OTUD3: variants seen among roughly 807,000 people sequenced by gnomAD.
OTUD3 encodes the protein OTU domain-containing protein 3.
OTUD3 carries 24 observed loss-of-function variants against 46.2 expected under a neutral mutation model. The observed-to-expected ratio is 0.52, with a 90% CI of 0.38 to 0.73. The LOEUF (loss-of-function observed/expected upper bound fraction) is 0.73. OTUD3 is among the 30% of genes least tolerant of loss of function. The pLI is 0.00. For synonymous variants in OTUD3, 189 were observed against 195.4 expected (o/e 0.97, Z 0.27); for missense variants, 455 against 523.3 (o/e 0.87, Z 1.27).
intron 4 of OTUD3, among the ~76,000 whole-genome samples, chr1:19,902,622 A>G (rs115226120): frequency 0.015 from 2,285 of 152,126 alleles, 61 homozygotes; most frequent in African/African-American, 0.052. Context: ...TCTTTTGCCT[A>G]TTTTTTAATT....
rs190135508 is a variant in OTUD3, at chr1:19,898,109, C to T, written c.606+447C>T. The stretch of plus-strand genomic sequence containing the variant: ...GATTACAGGCATGTGCCACCATGCC[C>T]GGCTAATTTTGTATTTTTAGTAGAG... On this transcript the variant is annotated intron_variant, in intron 4 of 7. Coordinates refer to ENST00000375120, the MANE Select transcript of OTUD3 (RefSeq NM_015207.2). Among the ~76,000 whole-genome samples the T allele has an allele frequency of 6.2e-3, 939 of 151,742 alleles. 14 individuals are homozygous for T. The highest frequency in any genetic ancestry group is 0.021 in the African/African-American group (874 of 41,364).
chr1:19,904,859 G>A lies in OTUD3; in HGVS notation c.739-32G>A, dbSNP rs759993440. Reference sequence around the variant, plus strand: ...AGAAAAATATACCCAGAGTTTTGAAGTGGTTTTTTTGTTTGTTTGTTTCTT... The same window carrying A: ...AGAAAAATATACCCAGAGTTTTGAAATGGTTTTTTTGTTTGTTTGTTTCTT... On this transcript the variant is annotated intron_variant, in intron 5 of 7. Transcript: ENST00000375120. The A allele has an allele frequency of 6.6e-6, 7 of 1,067,336 alleles. No homozygotes were observed. In the African/African-American group the frequency reaches 7.9e-5, roughly 12 times the overall value. 66.1% of individuals were successfully genotyped at this position (1,067,336 alleles called of 1,614,324 possible).
intron 7 of OTUD3, chr1:19,906,833 T>C (rs1367758672): frequency 2.3e-6 from 1 of 431,678 alleles, no homozygotes; most frequent in East Asian, 3.9e-5. Flanking sequence ...CACCCTGAAA[T>C]TGTCCTCAGT....
At chr1:19,891,443 T>A (rs887680390) in intron 2 of OTUD3, among the ~76,000 whole-genome samples, 1 of 152,132 alleles carries the variant, frequency 6.6e-6, no homozygotes, top group African/African-American at 2.4e-5. Flanking sequence ...ATGCCAAGAA[T>A]GGATGGGGAG....
At position 19,882,681 on chromosome 1, in the gene OTUD3, C is replaced by T; in HGVS notation, c.168C>T (p.Phe56=). Residue 56 remains phenylalanine (F), a synonymous_variant, in exon 1 of 8, where the codon TTC becomes TTT. Transcript: ENST00000375120. ...GCTGCGAGGAGGAGTTCGTCAGCTT[C>T]GCCAACCAGCTGCAGGCCCTGGGGC... The part of the protein sequence containing the change: ...GGGCEEEFVS[F]ANQLQALGLK... The T allele has an allele frequency of 1.4e-6, 2 of 1,456,398 alleles. No individual in the cohort carries two copies. The highest frequency in any genetic ancestry group is 1.8e-6 in the Non-Finnish European group (2 of 1,105,754). The allele number at this position is 1,456,398 out of a possible 1,614,324, so 90.2% of individuals were successfully genotyped here.
chr1:19,896,474 A>C (rs1318400494), intron 3 of OTUD3, among the ~76,000 whole-genome samples: 1 of 152,116 alleles, frequency 6.6e-6, no homozygotes, highest in East Asian at 1.9e-4. Flanking sequence ...TGGGAGACAA[A>C]TGGTGCTCTC....
At chr1:19,905,216 G>A (rs892141891) in intron 6 of OTUD3, among the ~76,000 whole-genome samples, 3 of 152,098 alleles carry the variant, frequency 2.0e-5, no homozygotes, top group Admixed American at 6.6e-5. Context: ...AAACTGGTGC[G>A]ATAGTACATA....
intron 2 of OTUD3, among the ~76,000 whole-genome samples, chr1:19,890,953 A>G (rs1043445693): frequency 1.6e-4 from 24 of 152,196 alleles, no homozygotes; most frequent in African/African-American, 5.1e-4. Flanking sequence ...TTAAACTTCT[A>G]TAGAAGGGAG....
intron 4 of OTUD3, among the ~76,000 whole-genome samples, chr1:19,898,201 G>A (rs574929685): frequency 6.6e-6 from 1 of 151,880 alleles, no homozygotes; most frequent in East Asian, 2.0e-4. Flanking sequence ...GCCCACCTTG[G>A]CCTCCCAAAC....
In OTUD3 at chr1:19,906,879, T is replaced by TA. The variant is rs1213547806; in HGVS notation, c.1020+264dup. The stretch of plus-strand genomic sequence containing the variant: ...AAAGCCTCCTTTTCCCACCTAACAT[T>TA]ACTGTACATGTGGGCTCTTCCCATG... On this transcript the variant is annotated intron_variant, in intron 7 of 7. Coordinates refer to ENST00000375120, the MANE Select transcript of OTUD3 (RefSeq NM_015207.2). The TA allele has an allele frequency of 9.9e-6, 3 of 302,966 alleles. No individual in the cohort carries two copies. In the East Asian group the frequency reaches 1.9e-4, roughly 19 times the overall value. 18.8% of individuals were successfully genotyped at this position (302,966 alleles called of 1,614,324 possible). A position where few individuals can be genotyped will look rare whatever the true frequency, so the allele number is the denominator to read the frequency against.
At chr1:19,901,799 G>A (rs1437303927) in intron 4 of OTUD3, among the ~76,000 whole-genome samples, 1 of 152,090 alleles carries the variant, frequency 6.6e-6, no homozygotes, top group Non-Finnish European at 1.5e-5. Context: ...CTTTCCCTCA[G>A]TATAATGTTT....
intron 3 of OTUD3, among the ~76,000 whole-genome samples, chr1:19,896,146 C>G (rs1473498271): frequency 1.3e-5 from 2 of 152,104 alleles, no homozygotes; most frequent in African/African-American, 4.8e-5. Flanking sequence ...GCATTGGTTG[C>G]TACTTTCATG....
chr1:19,906,391 T>A, intron 6 of OTUD3, 41 bp from the exon 7 acceptor site: 1 of 1,587,678 alleles, frequency 6.3e-7, no homozygotes, highest in Middle Eastern at 1.7e-4. Flanking sequence ...CCTGTGTAAC[T>A]CTCAGGTTCT....
chr1:19,901,680 A>T (rs1451995398), intron 4 of OTUD3, among the ~76,000 whole-genome samples: 1 of 152,080 alleles, frequency 6.6e-6, no homozygotes, highest in Non-Finnish European at 1.5e-5. Flanking sequence ...GTGACTCCCA[A>T]TTCCCCCTCT....
Position 19,882,699 on chromosome 1 carries a change from C to T in OTUD3, c.186C>T (p.Ala62=). 1 of 1,428,044 alleles carries T rather than the reference C, an allele frequency of 7.0e-7. No individual in the cohort carries two copies. The highest frequency in any genetic ancestry group is 9.2e-7 in the Non-Finnish European group (1 of 1,090,726). 88.5% of individuals were successfully genotyped at this position (1,428,044 alleles called of 1,614,324 possible). ...EFVSFANQLQ[A]LGLKLREVPG... is the part of the protein sequence containing the mutation. ...TCAGCTTCGCCAACCAGCTGCAGGC[C>T]CTGGGGCTGAAGCTGCGGGAGGTGC... The change falls in exon 1 of 8, where the codon GCC becomes GCT. Residue 62 remains alanine, a synonymous_variant. Coordinates refer to ENST00000375120, the MANE Select transcript of OTUD3 (RefSeq NM_015207.2).
intron 1 of OTUD3, among the ~76,000 whole-genome samples, chr1:19,886,497 T>C (rs2045363193): frequency 3.3e-5 from 5 of 152,342 alleles, no homozygotes; most frequent in African/African-American, 1.2e-4. Context: ...TGGTTTTCAG[T>C]TGGGTGCCAT....
At chr1:19,896,761 T>G (rs2045523306) in intron 3 of OTUD3, among the ~76,000 whole-genome samples, 1 of 152,230 alleles carries the variant, frequency 6.6e-6, no homozygotes, top group Non-Finnish European at 1.5e-5. Context: ...TCTTTGGACG[T>G]GGCGAGTTTT....
At chr1:19,890,196 AG>A (rs948430139) in intron 1 of OTUD3, among the ~76,000 whole-genome samples, 188 bp from the exon 2 acceptor site, 1 of 152,178 alleles carries the variant, frequency 6.6e-6, no homozygotes, top group African/African-American at 2.4e-5. Context: ...CCTCTCAAGA[AG>A]GTAATATGGT....
intron 1 of OTUD3, among the ~76,000 whole-genome samples, chr1:19,887,982 C>G (rs936797892): frequency 6.6e-6 from 1 of 152,124 alleles, no homozygotes. Context: ...CATTTGCGTG[C>G]TCTTTATGTA....
Sources: allele counts gnomAD v4.1 joint callset (sites outside exome capture counted in the v4.1 genomes callset), GRCh38; gene constraint gnomAD v4.1.1; transcripts MANE v1.5; gene names NCBI Gene and HGNC (gene_info 2026-07-23, HGNC 2026-07-21).